The following GPAT4 variants were observed in gnomAD, a reference collection of about 807,000 sequenced individuals.
GPAT4 encodes the protein glycerol-3-phosphate acyltransferase 4.
GPAT4 carries 17 observed loss-of-function variants against 58.0 expected under a neutral mutation model. That is an observed-to-expected ratio of 0.29 (90% CI 0.20 to 0.44). GPAT4 has a LOEUF of 0.44. Among genes scored for constraint, GPAT4 ranks in the 20% least tolerant of loss-of-function variants. The probability of loss-of-function intolerance (pLI) is 1.00; values close to 1 mark genes in which losing one functional copy is unlikely to be tolerated. For synonymous variants in GPAT4, 204 were observed against 210.1 expected (o/e 0.97, Z 0.25); for missense variants, 377 against 574.5 (o/e 0.66, Z 3.51).
chr8:41,618,621 T>C, intron 10 of GPAT4, 63 bp from the exon 11 acceptor site: 1 of 1,595,528 alleles, frequency 6.3e-7, no homozygotes, highest in South Asian at 1.1e-5. Flanking sequence ...CAGCAGTCAC[T>C]GTGGACTCGC....
intron 1 of GPAT4, among the ~76,000 whole-genome samples, chr8:41,579,223 T>C (rs78259286): frequency 0.022 from 3,397 of 152,318 alleles, 115 homozygotes; most frequent in African/African-American, 0.074. Flanking sequence ...CTTTGTATTT[T>C]GGAGAATTTC....
chr8:41,609,210 A>G (rs1342462782), intron 2 of GPAT4, among the ~76,000 whole-genome samples: 2 of 152,218 alleles, frequency 1.3e-5, no homozygotes, highest in Non-Finnish European at 2.9e-5. Flanking sequence ...GTGTTTTGCT[A>G]TAGGTGACTT....
rs773310525 is a variant in GPAT4 at position 41,612,262 on chromosome 8, T to G, written c.784T>G (p.Tyr262Asp). 1.9e-5 allele frequency: 30 copies of G among 1,614,246 alleles called. No homozygotes were observed. Among genetic ancestry groups the G allele is most frequent in the Non-Finnish European group, 2.4e-5 (28 of 1,180,024 alleles). ...TGTGATCATCTTGGCCAGCGATGGC[T>G]ATTATGCCATGGTAAGAGCTCTTTC... ...IDVIILASDG[Y>D]YAMVGQVHGG... The change falls in exon 7 of 13, where the codon TAT becomes GAT. Residue 262 changes from tyrosine (Y) to aspartate (D), a missense_variant. Tyr to Asp is a radical substitution (Grantham distance 160, BLOSUM62 -3). Coordinates refer to ENST00000396987, the MANE Select transcript of GPAT4 (RefSeq NM_178819.4).
intron 10 of GPAT4, among the ~76,000 whole-genome samples, chr8:41,616,396 G>A (rs1324688059): frequency 1.3e-5 from 2 of 152,132 alleles, no homozygotes. Context: ...CCCACATTTA[G>A]GTGATTCTTG....
chr8:41,617,441 CTTA>C (rs555505922), intron 10 of GPAT4, among the ~76,000 whole-genome samples: 104 of 152,226 alleles, frequency 6.8e-4, no homozygotes, highest in Non-Finnish European at 1.3e-3. Context: ...GTTTTAAAAA[CTTA>C]TTATTTTCCC....
chr8:41,613,080 A>T lies in GPAT4; in HGVS notation c.911+120A>T, dbSNP rs376936872. 1.9e-3 allele frequency: 1,476 copies of T among 761,272 alleles called. 24 individuals carry two copies. The South Asian group carries it at 0.02, about 10-fold the overall frequency. The allele number at this position is 761,272 out of a possible 1,614,324, so 47.2% of individuals were successfully genotyped here. ...TATCATAAGCCTATACTGCTTTCATAATAATTTTTTCCTAAAACATGAAAT... is the reference window on the plus strand; with the variant it reads ...TATCATAAGCCTATACTGCTTTCATTATAATTTTTTCCTAAAACATGAAAT... On this transcript the variant is annotated intron_variant, in intron 8 of 12. Transcript: ENST00000396987.
At chr8:41,592,935 A>G (rs1216742604) in intron 1 of GPAT4, among the ~76,000 whole-genome samples, 1 of 152,130 alleles carries the variant, frequency 6.6e-6, no homozygotes, top group Non-Finnish European at 1.5e-5. Context: ...TTCCTTTCTG[A>G]AGGTGGACTG....
At position 41,599,014 on chromosome 8, in the gene GPAT4, G is replaced by A. The variant is rs1803010383; in HGVS notation, c.-126G>A. On this transcript the variant is annotated 5_prime_UTR_variant, in exon 2 of 13. Coordinates refer to ENST00000396987, the MANE Select transcript of GPAT4 (RefSeq NM_178819.4). ...AGGCGGTTGAAGGGTGTGGACTTTG[G>A]AATGGGGTTTGCTGTTCTTCGGGAA... 8 of 1,296,184 alleles carry A rather than the reference G, an allele frequency of 6.2e-6. No homozygotes were observed. Among genetic ancestry groups the A allele is most frequent in the Admixed American group, 2.3e-5 (1 of 43,136 alleles). 80.3% of individuals were successfully genotyped at this position (1,296,184 alleles called of 1,614,324 possible).
chr8:41,600,753 C>T lies in GPAT4; in HGVS notation c.165+1449C>T, dbSNP rs1469020614. Among the ~76,000 whole-genome samples, 4 of 152,190 alleles carry T rather than the reference C, an allele frequency of 2.6e-5. No homozygotes were observed. The East Asian group carries it at 7.7e-4, about 29-fold the overall frequency. On this transcript the variant is annotated intron_variant, in intron 2 of 12. Transcript: ENST00000396987. ...AAACCCCACACTCATTAAGCATTCA[C>T]TCCCCATTCCTCCCTCCGCCAGCCC...
In GPAT4 at chr8:41,623,873, T is replaced by C. The variant is rs906025249; in HGVS notation, c.*2872T>C. 1.2e-4 allele frequency: 19 copies of C among 152,318 alleles called. No homozygotes were observed. Among genetic ancestry groups the C allele is most frequent in the African/African-American group, 4.3e-4 (18 of 41,546 alleles). 9.4% of individuals were successfully genotyped at this position (152,318 alleles called of 1,614,324 possible). On this transcript the variant is annotated 3_prime_UTR_variant, in exon 13 of 13. Transcript: ENST00000396987. ...TTTTTTAAACACGGAGTTTCACTCT[T>C]GTTGCCCATGCTGGAGTGCAATGGC...
intron 7 of GPAT4, 179 bp from the exon 8 acceptor site, chr8:41,612,666 G>C (rs1803478360): frequency 3.4e-6 from 2 of 585,804 alleles, no homozygotes; most frequent in East Asian, 5.7e-5. Flanking sequence ...TGATTAAAAG[G>C]AGAAGTTTAA....
rs1340087535 is a variant in GPAT4 at position 41,622,002 on chromosome 8, A to C, written c.*1001A>C. On this transcript the variant is annotated 3_prime_UTR_variant, in exon 13 of 13. Transcript: ENST00000396987. ...AGGATTCCCGTTCTCTTCTGGGAGC[A>C]TGGCCCTGGGGCTGCGGAGAAGCCA... 1.3e-5 allele frequency: 2 copies of C among 152,228 alleles called. No homozygotes were observed. Among genetic ancestry groups the C allele is most frequent in the Admixed American group, 6.5e-5 (1 of 15,282 alleles). 9.4% of individuals were successfully genotyped at this position (152,228 alleles called of 1,614,324 possible). A position where few individuals can be genotyped will look rare whatever the true frequency, so the allele number is the denominator to read the frequency against.
intron 1 of GPAT4, among the ~76,000 whole-genome samples, chr8:41,582,478 T>C (rs78702840): frequency 0.34 from 37,064 of 107,920 alleles, 4,564 homozygotes; most frequent in Middle Eastern, 0.45. Context: ...CACACACACA[T>C]CTTTCTTTCT....
intron 2 of GPAT4, among the ~76,000 whole-genome samples, chr8:41,607,794 G>C (rs1006557277): frequency 6.6e-6 from 1 of 152,152 alleles, no homozygotes; most frequent in Non-Finnish European, 1.5e-5. Context: ...CTCCCAAAGT[G>C]CTGGGATTAC....
intron 1 of GPAT4, among the ~76,000 whole-genome samples, chr8:41,596,032 G>A (rs1000953566): frequency 6.6e-6 from 1 of 152,162 alleles, no homozygotes; most frequent in Non-Finnish European, 1.5e-5. Context: ...TGAAACAAGG[G>A]ACCTGTCCAG....
At chr8:41,596,456 G>C (rs1296228262) in intron 1 of GPAT4, among the ~76,000 whole-genome samples, 1 of 152,186 alleles carries the variant, frequency 6.6e-6, no homozygotes, top group East Asian at 1.9e-4. Flanking sequence ...ATCAGGCCAC[G>C]CTTCCACTCA....
chr8:41,609,529 C>T, intron 3 of GPAT4, 44 bp downstream of exon 3: 1 of 1,606,278 alleles, frequency 6.2e-7, no homozygotes, highest in South Asian at 1.1e-5. Context: ...TCCATTTGAA[C>T]AGTGTTCCCC....
At chr8:41,607,537 TCTC>T (rs1223045256) in intron 2 of GPAT4, among the ~76,000 whole-genome samples, 4 of 148,466 alleles carry the variant, frequency 2.7e-5, no homozygotes, top group Non-Finnish European at 4.4e-5. Flanking sequence ...CAAGTTTCTC[TCTC>T]TTTTTTTTTT....
At position 41,598,712 on chromosome 8, in the gene GPAT4, C is replaced by CT. The variant is rs1246664807; in HGVS notation, c.-427dup. 7 of 160,754 alleles carry CT rather than the reference C, an allele frequency of 4.4e-5. No individual in the cohort carries two copies. The highest frequency in any genetic ancestry group is 8.1e-5 in the Non-Finnish European group (6 of 74,152). 10.0% of individuals were successfully genotyped at this position (160,754 alleles called of 1,614,324 possible). ...CCAAGTTTAATTCTTCTTCGTACTTCTGGTAGTGACAGATCTGCAGGACAG... is the reference window on the plus strand; with the variant it reads ...CCAAGTTTAATTCTTCTTCGTACTTCTTGGTAGTGACAGATCTGCAGGACAG... On this transcript the variant is annotated 5_prime_UTR_variant, in exon 2 of 13. Coordinates refer to ENST00000396987, the MANE Select transcript of GPAT4 (RefSeq NM_178819.4).
Sources: allele counts gnomAD v4.1 joint callset (sites outside exome capture counted in the v4.1 genomes callset), GRCh38; gene constraint gnomAD v4.1.1; transcripts MANE v1.5; gene names NCBI Gene and HGNC (gene_info 2026-07-23, HGNC 2026-07-21).